Variants in DGKI observed in about 807,000 individuals in gnomAD.
DGKI encodes DAG kinase iota.
DGKI carries 55 observed loss-of-function variants against 147.5 expected under a neutral mutation model. That is an observed-to-expected ratio of 0.37 (90% CI 0.30 to 0.47). The LOEUF (loss-of-function observed/expected upper bound fraction) is 0.47. DGKI is among the 20% of genes least tolerant of loss of function. The pLI is 1.00. For synonymous variants in DGKI, 469 were observed against 477.1 expected, an observed-to-expected ratio of 0.98 and a Z score of 0.22; for missense variants, 1,007 against 1,323.8, an observed-to-expected ratio of 0.76 and a Z score of 3.71.
intron 1 of DGKI, among the ~76,000 whole-genome samples, chr7:137,745,874 T>C (rs1795310945): frequency 6.6e-6 from 1 of 152,188 alleles, no homozygotes; most frequent in African/African-American, 2.4e-5. Flanking sequence ...TCGTTCTAGA[T>C]TTACTGTTGC....
Position 137,811,384 on chromosome 7 carries a change from TCACACACACA to T in DGKI, c.401+35068_401+35077del, listed in dbSNP as rs55647700. 9.3e-3 allele frequency among the ~76,000 whole-genome samples: 1,226 copies of T among 132,188 alleles called. 19 individuals carry two copies. The highest frequency in any genetic ancestry group is 0.035 in the African/African-American group (1,165 of 33,182). 86.7% of individuals were successfully genotyped at this position (132,188 alleles called of 152,430 possible). The stretch of plus-strand genomic sequence containing the variant: ...CTCTCCCTCTCTCTCTCTCTCTCTC[TCACACACACA>T]CACACACACACACACACACACACAC... On this transcript the variant is annotated intron_variant, in intron 1 of 32. Coordinates refer to ENST00000614521, the MANE Select transcript of DGKI (RefSeq NM_001321708.2).
intron 29 of DGKI, among the ~76,000 whole-genome samples, chr7:137,411,101 G>A (rs900910412): frequency 6.6e-6 from 1 of 152,186 alleles, no homozygotes; most frequent in African/African-American, 2.4e-5. Flanking sequence ...TTATGTCTGA[G>A]GGTAGGACTG....
chr7:137,714,389 G>A (rs1041649159), intron 1 of DGKI, among the ~76,000 whole-genome samples: 5 of 152,094 alleles, frequency 3.3e-5, no homozygotes, highest in Non-Finnish European at 5.9e-5. Context: ...TAATGTGAGT[G>A]CCCATCATTG....
intron 19 of DGKI, among the ~76,000 whole-genome samples, chr7:137,561,779 A>C (rs1818428265): frequency 6.6e-6 from 1 of 152,202 alleles, no homozygotes; most frequent in African/African-American, 2.4e-5. Flanking sequence ...CACACTATAT[A>C]CAAGGAAATA....
chr7:137,690,401 C>A (rs772938532), intron 1 of DGKI, among the ~76,000 whole-genome samples: 1 of 152,164 alleles, frequency 6.6e-6, no homozygotes, highest in Non-Finnish European at 1.5e-5. Flanking sequence ...CTCATGAGGT[C>A]TCCTACTGAA....
At chr7:137,519,937 A>T (rs28653652) in intron 21 of DGKI, among the ~76,000 whole-genome samples, 18,239 of 152,062 alleles carry the variant, frequency 0.12, 2,135 homozygotes, top group African/African-American at 0.29. Context: ...TTTAGAGAGT[A>T]TATGTGTTCT....
rs1328405952 is a variant in DGKI, at chr7:137,383,358, T to C, written c.*7862A>G. ...TGTTTGTGTAAGCAAGGCAACTTTTTAGGGTCATGAAATCCCCGCTGCTAA... is the reference window on the plus strand; with the variant it reads ...TGTTTGTGTAAGCAAGGCAACTTTTCAGGGTCATGAAATCCCCGCTGCTAA... On this transcript the variant is annotated 3_prime_UTR_variant, in exon 33 of 33. Coordinates refer to ENST00000614521, the MANE Select transcript of DGKI (RefSeq NM_001321708.2). The C allele has an allele frequency of 6.6e-6, 1 of 151,844 alleles. No individual in the cohort carries two copies. Among genetic ancestry groups the C allele is most frequent in the African/African-American group, 2.4e-5 (1 of 41,392 alleles). The allele number at this position is 151,844 out of a possible 1,614,324, so 9.4% of individuals were successfully genotyped here. A position where few individuals can be genotyped will look rare whatever the true frequency, so the allele number is the denominator to read the frequency against.
chr7:137,816,496 T>C (rs922663778), intron 1 of DGKI, among the ~76,000 whole-genome samples: 1 of 152,206 alleles, frequency 6.6e-6, no homozygotes, highest in Non-Finnish European at 1.5e-5. Context: ...ATGTCCAACT[T>C]ACCACATTCT....
At chr7:137,396,627 T>A (rs946506902) in intron 31 of DGKI, among the ~76,000 whole-genome samples, 1 of 152,140 alleles carries the variant, frequency 6.6e-6, no homozygotes, top group African/African-American at 2.4e-5. Flanking sequence ...CTCTTCGTCC[T>A]CCATTCTATT....
chr7:137,582,995 T>C (rs917988370), intron 14 of DGKI, among the ~76,000 whole-genome samples: 2 of 152,192 alleles, frequency 1.3e-5, no homozygotes, highest in Non-Finnish European at 2.9e-5. Flanking sequence ...TTCAAAAGTA[T>C]GTTTTTTACA....
chr7:137,414,971 G>C (rs1362076090), intron 28 of DGKI, among the ~76,000 whole-genome samples: 1 of 152,074 alleles, frequency 6.6e-6, no homozygotes, highest in East Asian at 1.9e-4. Flanking sequence ...TAAACAGAAG[G>C]CACAGTTTTC....
Position 137,845,022 on chromosome 7 carries a change from C to G in DGKI, c.401+1440G>C, listed in dbSNP as rs144915741. Among the ~76,000 whole-genome samples the G allele has an allele frequency of 1.3e-3, 197 of 152,324 alleles. 1 individual carries two copies. The highest frequency in any genetic ancestry group is 4.5e-3 in the African/African-American group (187 of 41,568). ...CTAGCATACCTCCCTAGAGCTACCCCCTCCCCACCATCTGTCTATTTTTAG... is the reference window on the plus strand; with the variant it reads ...CTAGCATACCTCCCTAGAGCTACCCGCTCCCCACCATCTGTCTATTTTTAG... On this transcript the variant is annotated intron_variant, in intron 1 of 32. Coordinates refer to ENST00000614521, the MANE Select transcript of DGKI (RefSeq NM_001321708.2).
Position 137,469,644 on chromosome 7 carries a change from G to GT in DGKI, c.2374-26dup, listed in dbSNP as rs1011174776. 7 of 1,609,354 alleles carry GT rather than the reference G, an allele frequency of 4.3e-6. No individual in the cohort carries two copies. The African/African-American group carries it at 9.4e-5, about 22-fold the overall frequency. On this transcript the variant is annotated intron_variant, in intron 23 of 32. Transcript: ENST00000614521. ...CCTGGAAAGAGACACACACACTCTA[G>GT]TGGCTGCATTTCAATAACCTGATGG...
chr7:137,562,557 G>A (rs1005356467), intron 19 of DGKI, among the ~76,000 whole-genome samples: 4 of 151,842 alleles, frequency 2.6e-5, no homozygotes, highest in African/African-American at 9.7e-5. Context: ...AAGAGCATAA[G>A]GTAAGAAAGA....
intron 20 of DGKI, among the ~76,000 whole-genome samples, chr7:137,532,339 C>T (rs183247730): frequency 1.3e-4 from 20 of 152,152 alleles, no homozygotes; most frequent in Admixed American, 5.2e-4. Context: ...TGACAATAAG[C>T]GGCATTACAT....
intron 1 of DGKI, among the ~76,000 whole-genome samples, chr7:137,700,049 G>A (rs555759952): frequency 1.3e-5 from 2 of 152,188 alleles, no homozygotes; most frequent in Admixed American, 6.5e-5. Context: ...TGGGATGTCT[G>A]TGGTGACAGG....
chr7:137,765,291 C>T (rs1011367893), intron 1 of DGKI, among the ~76,000 whole-genome samples: 9 of 152,128 alleles, frequency 5.9e-5, no homozygotes, highest in African/African-American at 1.9e-4. Context: ...CATTATGTAT[C>T]GTTGATTTTT....
chr7:137,447,443 T>A (rs1813759762), intron 27 of DGKI, among the ~76,000 whole-genome samples: 1 of 152,118 alleles, frequency 6.6e-6, no homozygotes, highest in Middle Eastern at 3.2e-3. Flanking sequence ...ATTGATTCAG[T>A]ATGAAAAGTG....
intron 27 of DGKI, among the ~76,000 whole-genome samples, chr7:137,455,537 G>C (rs1171550552): frequency 6.7e-6 from 1 of 150,146 alleles, no homozygotes; most frequent in Admixed American, 6.7e-5. Context: ...GGGAGTCATG[G>C]AGTAAGACCA....
Sources: allele counts gnomAD v4.1 joint callset (sites outside exome capture counted in the v4.1 genomes callset), GRCh38; gene constraint gnomAD v4.1.1; transcripts MANE v1.5; gene names NCBI Gene and HGNC (gene_info 2026-07-23, HGNC 2026-07-21).